The following ZNF722 variants were observed in gnomAD, a reference collection of about 807,000 sequenced individuals.
ZNF722 encodes the protein zinc finger protein 479 pseudogene.
At chr7:64,011,396 C>T in the ZNF722 span, among the ~76,000 whole-genome samples, 1 of 152,130 alleles carries the variant, frequency 6.6e-6, no homozygotes, top group South Asian at 2.1e-4. Flanking sequence ...CCGGTTGTTC[C>T]TTTCCATGTT....
chr7:64,012,416 T>C, the ZNF722 span, among the ~76,000 whole-genome samples: 2 of 152,190 alleles, frequency 1.3e-5, no homozygotes, highest in African/African-American at 4.8e-5. Flanking sequence ...TGGTTTTATC[T>C]ACCTTTGGTG....
chr7:64,017,676 CA>C, the ZNF722 span, among the ~76,000 whole-genome samples: 2 of 152,200 alleles, frequency 1.3e-5, no homozygotes, highest in South Asian at 4.1e-4. Context: ...TAGAAGACAC[CA>C]GTTTATACTA....
At chr7:64,017,432 T>G in the ZNF722 span, among the ~76,000 whole-genome samples, 1 of 152,112 alleles carries the variant, frequency 6.6e-6, no homozygotes, top group South Asian at 2.1e-4. Context: ...AAAACACCTT[T>G]TGGAAAATAT....
chr7:64,004,425 A>AAAAAAAATATATAT, the ZNF722 span, among the ~76,000 whole-genome samples: 1 of 61,106 alleles, frequency 1.6e-5, no homozygotes, highest in African/African-American at 8.0e-5. Flanking sequence ...AAAAAAAAAA[A>AAAAAAAATATATAT]ATATATATAT....
the ZNF722 span, among the ~76,000 whole-genome samples, chr7:64,011,068 TG>T: frequency 1.4e-5 from 1 of 73,520 alleles, no homozygotes; most frequent in East Asian, 2.5e-4. Flanking sequence ...TTGCAACCCC[TG>T]CTTTTTTTTT....
At chr7:64,015,288 C>T in the ZNF722 span, 2 of 1,249,972 alleles carry the variant, frequency 1.6e-6, no homozygotes, top group Non-Finnish European at 2.3e-6. Flanking sequence ...TTGCAATAGA[C>T]ATGAAACAAG....
chr7:64,006,461 T>G, the ZNF722 span: 2 of 574,686 alleles, frequency 3.5e-6, no homozygotes, highest in Non-Finnish European at 5.8e-6. Context: ...TTTCTTTTGC[T>G]CTCACATAGG....
At chr7:64,000,142 G>GTA in the ZNF722 span, among the ~76,000 whole-genome samples, 1 of 143,698 alleles carries the variant, frequency 7.0e-6, no homozygotes, top group Non-Finnish European at 1.5e-5. Flanking sequence ...TTGTGTGTGT[G>GTA]TGTGTGTGAC....
the ZNF722 span, among the ~76,000 whole-genome samples, chr7:64,014,004 C>T: frequency 2.0e-5 from 3 of 151,968 alleles, no homozygotes; most frequent in South Asian, 2.1e-4. Flanking sequence ...CTGGTTGTCT[C>T]GGAGGACTAG....
the ZNF722 span, among the ~76,000 whole-genome samples, chr7:64,016,480 C>G: frequency 6.6e-6 from 1 of 152,032 alleles, no homozygotes; most frequent in Non-Finnish European, 1.5e-5. Context: ...CATCTCAGGC[C>G]TTACACAATA....
the ZNF722 span, chr7:64,006,462 C>G: frequency 1.8e-6 from 1 of 569,600 alleles, no homozygotes; most frequent in South Asian, 2.8e-5. Flanking sequence ...TTCTTTTGCT[C>G]TCACATAGGG....
At chr7:64,015,750 G>A in the ZNF722 span, 20 of 1,613,550 alleles carry the variant, frequency 1.2e-5, no homozygotes, top group South Asian at 1.9e-4. Flanking sequence ...CACATGTGAA[G>A]AATGTGGCAG....
At chr7:64,017,517 G>GTATAA in the ZNF722 span, among the ~76,000 whole-genome samples, 1 of 152,174 alleles carries the variant, frequency 6.6e-6, no homozygotes, top group Non-Finnish European at 1.5e-5. Context: ...ACCTTTACTG[G>GTATAA]CATTACAGAT....
the ZNF722 span, among the ~76,000 whole-genome samples, chr7:64,003,497 A>T: frequency 6.6e-6 from 1 of 152,046 alleles, no homozygotes; most frequent in Non-Finnish European, 1.5e-5. Context: ...GAAAAAAATC[A>T]CTTTTTCTTG....
At chr7:64,000,064 T>A in the ZNF722 span, among the ~76,000 whole-genome samples, 1 of 151,934 alleles carries the variant, frequency 6.6e-6, no homozygotes, top group Non-Finnish European at 1.5e-5. Flanking sequence ...CACCTCAGCC[T>A]AATTACCTAC....
chr7:64,014,940 G>A, the ZNF722 span: 1 of 1,007,884 alleles, frequency 9.9e-7, no homozygotes, highest in Admixed American at 2.6e-5. Context: ...TTGCTAGTGT[G>A]CCTTGTATAA....
the ZNF722 span, among the ~76,000 whole-genome samples, chr7:64,004,351 G>C: frequency 6.9e-6 from 1 of 144,344 alleles, no homozygotes; most frequent in Non-Finnish European, 1.5e-5. Flanking sequence ...GGAGGTTGCA[G>C]TGAGATGAGA....
the ZNF722 span, among the ~76,000 whole-genome samples, chr7:64,002,102 C>T: frequency 6.6e-6 from 1 of 152,048 alleles, no homozygotes; most frequent in Non-Finnish European, 1.5e-5. Flanking sequence ...AGGCTGGTCT[C>T]AAACTCCTGA....
chr7:64,004,419 A>AT, the ZNF722 span, among the ~76,000 whole-genome samples: 5 of 71,828 alleles, frequency 7.0e-5, no homozygotes, highest in East Asian at 1.4e-3. Flanking sequence ...TTAAAAAAAA[A>AT]AAAAAAATAT....
Sources: allele counts gnomAD v4.1 joint callset (sites outside exome capture counted in the v4.1 genomes callset), GRCh38; gene constraint gnomAD v4.1.1; transcripts MANE v1.5; gene names NCBI Gene and HGNC (gene_info 2026-07-23, HGNC 2026-07-21).